ZDHHC5: variants seen among roughly 807,000 people sequenced by gnomAD.
The protein encoded by ZDHHC5 is zDHHC palmitoyltransferase 5, also known as palmitoyltransferase ZDHHC5.
ZDHHC5 carries 22 observed loss-of-function variants against 70.0 expected under a neutral mutation model. The ratio of observed to expected loss-of-function variants is 0.31; its 90% CI spans 0.22 to 0.45. The LOEUF (loss-of-function observed/expected upper bound fraction) is 0.45, where lower values mean the gene tolerates loss of function less well. Among genes scored for constraint, ZDHHC5 ranks in the 20% least tolerant of loss-of-function variants. The pLI, the probability that ZDHHC5 is intolerant of heterozygous loss-of-function variation, is 1.00. For synonymous variants in ZDHHC5, 313 were observed against 347.8 expected (o/e 0.90, Z 1.11); for missense variants, 746 against 926.9 (o/e 0.80, Z 2.53).
intron 2 of ZDHHC5, among the ~76,000 whole-genome samples, chr11:57,680,995 C>T (rs1404801726): frequency 6.6e-6 from 1 of 152,094 alleles, no homozygotes; most frequent in Non-Finnish European, 1.5e-5. Flanking sequence ...ATCAAGAGAA[C>T]CAAACAGCTA....
Position 57,698,902 on chromosome 11 carries a change from C to T in ZDHHC5, c.1466C>T (p.Pro489Leu). 1 of 1,614,202 alleles carries T rather than the reference C, an allele frequency of 6.2e-7. No individual in the cohort carries two copies. Residue 489 changes from proline to leucine, a missense_variant, in exon 11 of 12, where the codon CCT (proline) becomes CTT (leucine). Around this residue, in one of 6 missense-constraint regions of ZDHHC5, gnomAD observed 340 missense variants for 350.1 expected, o/e 0.97. Coordinates refer to ENST00000287169, the MANE Select transcript of ZDHHC5 (RefSeq NM_015457.3). Reference protein sequence around the residue: ...SPDFESVQAGPEPDPPLGYTS... With the variant: ...SPDFESVQAGLEPDPPLGYTS... The stretch of plus-strand genomic sequence containing the variant: ...GATTTTGAGTCAGTGCAGGCAGGGC[C>T]TGAGCCAGACCCACCTTTAGGCTAT...
chr11:57,683,206 A>T (rs1274184373), intron 3 of ZDHHC5, among the ~76,000 whole-genome samples: 1 of 152,188 alleles, frequency 6.6e-6, no homozygotes, highest in Non-Finnish European at 1.5e-5. Flanking sequence ...ATTGTCAAGG[A>T]CTTTACATAC....
At chr11:57,694,510 C>T (rs564674608) in intron 8 of ZDHHC5, among the ~76,000 whole-genome samples, 33 of 149,444 alleles carry the variant, frequency 2.2e-4, no homozygotes, top group Admixed American at 5.3e-4. Flanking sequence ...TACAGGCATG[C>T]GCCACCACGC....
intron 2 of ZDHHC5, among the ~76,000 whole-genome samples, chr11:57,674,182 GA>G (rs1356321908): frequency 2.6e-5 from 4 of 152,276 alleles, no homozygotes; most frequent in African/African-American, 7.2e-5. Flanking sequence ...GTTCTGTTGG[GA>G]AAAGCAGTTG....
intron 2 of ZDHHC5, among the ~76,000 whole-genome samples, chr11:57,679,847 G>C (rs1484137611): frequency 1.3e-5 from 2 of 152,104 alleles, no homozygotes; most frequent in East Asian, 3.9e-4. Context: ...TTCCCTTATA[G>C]TGCTGATTGG....
intron 1 of ZDHHC5, among the ~76,000 whole-genome samples, chr11:57,670,605 G>T (rs531646342): frequency 6.6e-6 from 1 of 152,058 alleles, no homozygotes; most frequent in African/African-American, 2.4e-5. Flanking sequence ...TTAAATCAGG[G>T]ACTAGAGAGG....
intron 2 of ZDHHC5, among the ~76,000 whole-genome samples, chr11:57,677,279 C>T (rs1217948611): frequency 3.8e-5 from 5 of 131,130 alleles, no homozygotes; most frequent in Admixed American, 8.5e-5. Flanking sequence ...CTCTGCTTCA[C>T]GTGATTTTTT....
chr11:57,669,338 G>C (rs1051671573), intron 1 of ZDHHC5, among the ~76,000 whole-genome samples: 3 of 152,124 alleles, frequency 2.0e-5, no homozygotes, highest in African/African-American at 7.2e-5. Flanking sequence ...CCTATTTAAG[G>C]AAATACCTGT....
At chr11:57,668,283 G>A (rs1277418376) in intron 1 of ZDHHC5, 96 bp downstream of exon 1, 4 of 313,672 alleles carry the variant, frequency 1.3e-5, no homozygotes, top group Admixed American at 5.0e-5. Flanking sequence ...GACCGAAGAC[G>A]GGGAGGGTAT....
intron 6 of ZDHHC5, among the ~76,000 whole-genome samples, chr11:57,690,676 G>A (rs1012144969): frequency 6.6e-6 from 1 of 152,156 alleles, no homozygotes; most frequent in African/African-American, 2.4e-5. Flanking sequence ...CCATAAAAAA[G>A]GATGAGTTCT....
chr11:57,682,379 A>G, intron 2 of ZDHHC5, 43 bp from the exon 3 acceptor site: 2 of 1,578,698 alleles, frequency 1.3e-6, no homozygotes, highest in Non-Finnish European at 1.7e-6. Context: ...TTCGTGTCCA[A>G]AATATTAGAG....
rs1946434197 is a variant in ZDHHC5 at position 57,700,869 on chromosome 11, T to C, written c.*838T>C. Reference sequence around the variant, plus strand: ...ATTAGAGTGTGCTCCTACTGGCCCCTTGGAGCCTCCCCTAGCTTACACAGT... The same window carrying C: ...ATTAGAGTGTGCTCCTACTGGCCCCCTGGAGCCTCCCCTAGCTTACACAGT... On this transcript the variant is annotated 3_prime_UTR_variant, in exon 12 of 12. Coordinates refer to ENST00000287169, the MANE Select transcript of ZDHHC5 (RefSeq NM_015457.3). The C allele has an allele frequency of 6.6e-6, 1 of 152,646 alleles. No homozygotes were observed. The highest frequency in any genetic ancestry group is 2.4e-5 in the African/African-American group (1 of 41,444). 9.5% of individuals were successfully genotyped at this position (152,646 alleles called of 1,614,324 possible).
intron 1 of ZDHHC5, among the ~76,000 whole-genome samples, chr11:57,670,633 C>A (rs562294572): frequency 7.8e-4 from 119 of 152,132 alleles, no homozygotes; most frequent in Non-Finnish European, 1.5e-3. Context: ...TTTTCTAGGA[C>A]TATAACAGTT....
rs36089922 is a variant in ZDHHC5, at chr11:57,670,820, A to AT, written c.-1070-1182dup. On this transcript the variant is annotated intron_variant, in intron 1 of 11. Transcript: ENST00000287169. The stretch of plus-strand genomic sequence containing the variant: ...TATATTTTGTTATCTGAATCTTCTG[A>AT]TTTTTTTTTTTTTTTTTTTGAGACA... Among the ~76,000 whole-genome samples the AT allele has an allele frequency of 4.0e-3, 509 of 128,536 alleles. 2 individuals carry two copies. In the Middle Eastern group the frequency reaches 0.052, roughly 13 times the overall value. The allele number at this position is 128,536 out of a possible 152,430, so 84.3% of individuals were successfully genotyped here.
chr11:57,699,939 G>A lies in ZDHHC5; in HGVS notation c.2056G>A (p.Gly686Ser), dbSNP rs150286584. The change falls in exon 12 of 12, where the codon GGC (glycine) becomes AGC (serine). Residue 686 changes from glycine to serine, a missense_variant. Physicochemically the swap from Gly to Ser is moderately conservative, Grantham distance 56 (BLOSUM62 0). Coordinates refer to ENST00000287169, the MANE Select transcript of ZDHHC5 (RefSeq NM_015457.3). ...CAAGAGCTTAGGCTCAGCCTCCCCT[G>A]GCCCAGGCCAGCCACCTCTCAGTAG... Reference protein sequence around the residue: ...QPKSLGSASPGPGQPPLSSPT... With the variant: ...QPKSLGSASPSPGQPPLSSPT... The A allele has an allele frequency of 2.1e-3, 3,344 of 1,614,190 alleles. 8 individuals carry two copies. Among genetic ancestry groups the A allele is most frequent in the Non-Finnish European group, 2.5e-3 (2,990 of 1,180,034 alleles).
rs943264419 is a variant in ZDHHC5, at chr11:57,699,059, G to A, written c.1623G>A (p.Val541=). 1 of 1,613,142 alleles carries A rather than the reference G, an allele frequency of 6.2e-7. No individual in the cohort carries two copies. Among genetic ancestry groups the A allele is most frequent in the Admixed American group, 1.7e-5 (1 of 59,986 alleles). ...ACGACAATCTGTCGCGCCACATTGT[G>A]GCCTCTCTCCAGGAACGAGAGAAGT... The part of the protein sequence containing the change: ...VRYDNLSRHI[V]ASLQEREKLL... The change falls in exon 11 of 12, where the codon GTG becomes GTA. Residue 541 remains valine, a synonymous_variant. Transcript: ENST00000287169.
chr11:57,673,228 G>A lies in ZDHHC5; in HGVS notation c.104+34G>A, dbSNP rs766812032. 6.2e-6 allele frequency: 10 copies of A among 1,601,806 alleles called. No homozygotes were observed. In the East Asian group the frequency reaches 1.1e-4, roughly 18 times the overall value. ...TCTCCCAGCAGGGGTGTTTGGGTGGGTGGATACTCCATGGGAAGTGAGGAG... is the reference window on the plus strand; with the variant it reads ...TCTCCCAGCAGGGGTGTTTGGGTGGATGGATACTCCATGGGAAGTGAGGAG... On this transcript the variant is annotated intron_variant, in intron 2 of 11. Transcript: ENST00000287169.
At chr11:57,676,345 G>GT (rs1392004494) in intron 2 of ZDHHC5, among the ~76,000 whole-genome samples, 6 of 152,178 alleles carry the variant, frequency 3.9e-5, no homozygotes, top group African/African-American at 1.4e-4. Flanking sequence ...ATTCTTCTCT[G>GT]TTTTCACTAT....
chr11:57,692,803 A>G, intron 7 of ZDHHC5, 101 bp downstream of exon 7: 1 of 1,181,424 alleles, frequency 8.5e-7, no homozygotes, highest in Non-Finnish European at 1.2e-6. Flanking sequence ...GCCTTTAGGA[A>G]GGGTTCTCTA....
Sources: allele counts gnomAD v4.1 joint callset (sites outside exome capture counted in the v4.1 genomes callset), GRCh38; gene constraint gnomAD v4.1.1; regional missense constraint gnomAD v4.1.1; transcripts MANE v1.5; gene names NCBI Gene and HGNC (gene_info 2026-07-23, HGNC 2026-07-21).